CLSTN2: variants seen among roughly 807,000 people sequenced by gnomAD.
CLSTN2 encodes the protein calsyntenin-2.
Under a neutral mutation model 101.2 loss-of-function variants are expected in CLSTN2, and 48 were observed. The observed-to-expected ratio is 0.47, with a 90% CI of 0.38 to 0.60. The LOEUF is 0.60. Ranked by LOEUF, CLSTN2 falls within the 20% of genes least tolerant of loss-of-function variation. The pLI is 0.00. For missense variants in CLSTN2, 1,160 were observed against 1,238.2 expected, an observed-to-expected ratio of 0.94 and a Z score of 0.95; for synonymous variants, 481 against 463.6, an observed-to-expected ratio of 1.04 and a Z score of -0.48.
chr3:140,006,979 C>T (rs2006971793), intron 1 of CLSTN2, among the ~76,000 whole-genome samples: 1 of 152,044 alleles, frequency 6.6e-6, no homozygotes, highest in African/African-American at 2.4e-5. Flanking sequence ...CCATGATAAA[C>T]AAATGTCAAG....
In CLSTN2 at chr3:140,341,409, A is replaced by C. The variant is rs192380620; in HGVS notation, c.233-62220A>C. On this transcript the variant is annotated intron_variant, in intron 2 of 16. Transcript: ENST00000458420. ...CTGCCTTGCAGAGGGTGTATCCGGC[A>C]GAGCAACTTCCAATAGTGTCGATGG... 6.6e-4 allele frequency among the ~76,000 whole-genome samples: 100 copies of C among 152,334 alleles called. 1 individual carries two copies. The highest frequency in any genetic ancestry group is 2.4e-3 in the African/African-American group (98 of 41,576).
chr3:140,558,786 C>T lies in CLSTN2; in HGVS notation c.1970C>T (p.Thr657Ile). The T allele has an allele frequency of 6.2e-7, 1 of 1,614,064 alleles. No individual in the cohort carries two copies. Among genetic ancestry groups the T allele is most frequent in the Non-Finnish European group, 8.5e-7 (1 of 1,179,994 alleles). The change falls in exon 12 of 17, where the codon ACC becomes ATC. Residue 657 changes from threonine to isoleucine, a missense_variant. By Grantham distance (89) the Thr-to-Ile change is moderately conservative. Coordinates refer to ENST00000458420, the MANE Select transcript of CLSTN2 (RefSeq NM_022131.3). Reference sequence around the variant, plus strand: ...CAGTTTGAAAGTGCCAGGGGAGTGACCCTCTTCCCTGATATCAAGATTGTG... The same window carrying T: ...CAGTTTGAAAGTGCCAGGGGAGTGATCCTCTTCCCTGATATCAAGATTGTG... ...AAQFESARGV[T>I]LFPDIKIVST...
At chr3:140,219,128 G>A (rs185622839) in intron 2 of CLSTN2, among the ~76,000 whole-genome samples, 272 of 152,036 alleles carry the variant, frequency 1.8e-3, no homozygotes, top group Non-Finnish European at 3.1e-3. Context: ...CAAAAGGCTC[G>A]AACTGCAGGA....
At chr3:140,189,683 T>G (rs1280232998) in intron 2 of CLSTN2, among the ~76,000 whole-genome samples, 1 of 152,230 alleles carries the variant, frequency 6.6e-6, no homozygotes, top group African/African-American at 2.4e-5. Flanking sequence ...GTAAATATTT[T>G]AATTTTTGTA....
intron 1 of CLSTN2, among the ~76,000 whole-genome samples, chr3:140,068,855 T>C: frequency 6.6e-6 from 1 of 152,206 alleles, no homozygotes; most frequent in East Asian, 1.9e-4. Context: ...ATGTAAATGA[T>C]AGTGATTAAG....
intron 1 of CLSTN2, among the ~76,000 whole-genome samples, chr3:140,004,252 T>C (rs962454930): frequency 6.6e-6 from 1 of 152,230 alleles, no homozygotes; most frequent in Admixed American, 6.5e-5. Flanking sequence ...TGTTTACTTA[T>C]AGAATTAAAA....
chr3:140,013,342 C>T (rs2007127860), intron 1 of CLSTN2, among the ~76,000 whole-genome samples: 1 of 152,220 alleles, frequency 6.6e-6, no homozygotes, highest in Non-Finnish European at 1.5e-5. Context: ...GGCTGTGCTG[C>T]CCTGTCCCAG....
intron 2 of CLSTN2, among the ~76,000 whole-genome samples, chr3:140,276,650 T>C (rs995835902): frequency 6.6e-6 from 1 of 152,162 alleles, no homozygotes; most frequent in Non-Finnish European, 1.5e-5. Flanking sequence ...CTGGGGACCC[T>C]GTGAGGTATA....
intron 1 of CLSTN2, among the ~76,000 whole-genome samples, chr3:140,134,971 C>A (rs1264533841): frequency 6.6e-6 from 1 of 151,124 alleles, no homozygotes; most frequent in Non-Finnish European, 1.5e-5. Flanking sequence ...ACATGGAATT[C>A]CTTGCCCCAG....
At chr3:140,127,330 A>G (rs1023725393) in intron 1 of CLSTN2, among the ~76,000 whole-genome samples, 1 of 152,336 alleles carries the variant, frequency 6.6e-6, no homozygotes, top group East Asian at 1.9e-4. Context: ...TGACAATGGT[A>G]GAATTGTCAT....
At chr3:140,247,589 T>C (rs1157861803) in intron 2 of CLSTN2, among the ~76,000 whole-genome samples, 2 of 152,186 alleles carry the variant, frequency 1.3e-5, no homozygotes, top group African/African-American at 4.8e-5. Flanking sequence ...CAAAATGAGA[T>C]GATTTATTTA....
In CLSTN2 at chr3:140,572,510, T is replaced by A. The variant is rs1190515862; in HGVS notation, c.*6257T>A. On this transcript the variant is annotated 3_prime_UTR_variant, in exon 17 of 17. Coordinates refer to ENST00000458420, the MANE Select transcript of CLSTN2 (RefSeq NM_022131.3). ...TCTCAAAAGGCACAAGCCAGACTGA[T>A]GCAAGGGAGCCCTCCTGAGGCCCAA... 2 of 152,212 alleles carry A rather than the reference T, an allele frequency of 1.3e-5. No individual in the cohort carries two copies. Among genetic ancestry groups the A allele is most frequent in the African/African-American group, 4.8e-5 (2 of 41,450 alleles). The allele number at this position is 152,212 out of a possible 1,614,324, so 9.4% of individuals were successfully genotyped here. A position where few individuals can be genotyped will look rare whatever the true frequency, so the allele number is the denominator to read the frequency against.
chr3:140,207,511 C>T (rs2010798742), intron 2 of CLSTN2, among the ~76,000 whole-genome samples: 1 of 152,138 alleles, frequency 6.6e-6, no homozygotes, highest in African/African-American at 2.4e-5. Flanking sequence ...TCCTCAGGAA[C>T]TTGTTTTAAA....
intron 2 of CLSTN2, among the ~76,000 whole-genome samples, chr3:140,397,281 A>T (rs2088193125): frequency 2.0e-5 from 3 of 152,062 alleles, no homozygotes; most frequent in African/African-American, 7.2e-5. Context: ...AGAAAATATG[A>T]CCTCACCCAG....
At chr3:140,204,493 C>G (rs1335566975) in intron 2 of CLSTN2, among the ~76,000 whole-genome samples, 1 of 152,204 alleles carries the variant, frequency 6.6e-6, no homozygotes, top group Non-Finnish European at 1.5e-5. Flanking sequence ...ATAATCACTT[C>G]TCAGTAAATT....
intron 5 of CLSTN2, among the ~76,000 whole-genome samples, chr3:140,422,976 G>A (rs369887670): frequency 7.9e-5 from 12 of 152,304 alleles, no homozygotes; most frequent in African/African-American, 2.4e-4. Flanking sequence ...TCCAATGAAC[G>A]TGTGGCCTTT....
At chr3:140,261,296 T>C (rs2086652092) in intron 2 of CLSTN2, among the ~76,000 whole-genome samples, 2 of 152,232 alleles carry the variant, frequency 1.3e-5, no homozygotes, top group South Asian at 4.1e-4. Context: ...TGGATATTTA[T>C]TTAATAGTTT....
intron 4 of CLSTN2, among the ~76,000 whole-genome samples, chr3:140,413,196 T>C (rs750331679): frequency 1.3e-5 from 2 of 151,718 alleles, no homozygotes; most frequent in South Asian, 2.1e-4. Flanking sequence ...AAATCAGAAA[T>C]GAAAGAGAAG....
intron 10 of CLSTN2, among the ~76,000 whole-genome samples, chr3:140,549,765 G>T (rs539976392): frequency 0.02 from 2,985 of 148,480 alleles, 148 homozygotes; most frequent in African/African-American, 0.072. Flanking sequence ...CTATTTTATT[G>T]GACAGTTACT....
Sources: gnomAD v4.1 joint callset for allele counts (sites outside exome capture counted in the v4.1 genomes callset) on GRCh38, gnomAD v4.1.1 for gene constraint, MANE v1.5 for transcripts, NCBI Gene and HGNC (gene_info 2026-07-23, HGNC 2026-07-21) for gene names.